Variants in RAPGEF2 observed in about 807,000 individuals in gnomAD.
RAPGEF2 encodes the protein PDZ domain containing guanine nucleotide exchange factor (GEF) 1.
RAPGEF2 carries 54 observed loss-of-function variants against 186.7 expected under a neutral mutation model. The observed-to-expected ratio is 0.29, with a 90% CI of 0.23 to 0.36. RAPGEF2 has a LOEUF of 0.36. RAPGEF2 is among the 10% of genes least tolerant of loss of function. The pLI is 1.00. For synonymous variants in RAPGEF2, 712 were observed against 705.9 expected (o/e 1.01, Z -0.14); for missense variants, 1,532 against 2,045.0 (o/e 0.75, Z 4.84).
chr4:159,112,964 G>GAT (rs1738656478), intron 1 of RAPGEF2, among the ~76,000 whole-genome samples: 1 of 152,180 alleles, frequency 6.6e-6, no homozygotes, highest in Non-Finnish European at 1.5e-5. Flanking sequence ...TGTGTCTGCT[G>GAT]ATATAATGTA....
chr4:159,146,414 T>C (rs1742973612), intron 1 of RAPGEF2, among the ~76,000 whole-genome samples: 2 of 152,020 alleles, frequency 1.3e-5, no homozygotes, highest in African/African-American at 4.8e-5. Flanking sequence ...TAGTTCCTGG[T>C]AAGTTATAAA....
At chr4:159,351,222 A>G in intron 26 of RAPGEF2, 1 of 1,512,648 alleles carries the variant, frequency 6.6e-7, no homozygotes, top group Non-Finnish European at 8.9e-7. Context: ...GAAAGAGAGG[A>G]ATCATCTCAT....
chr4:159,150,075 ATTGTTATTAGCAGTATCAATTAATT>A (rs1342965292), intron 1 of RAPGEF2, among the ~76,000 whole-genome samples: 6 of 152,124 alleles, frequency 3.9e-5, no homozygotes, highest in Non-Finnish European at 8.8e-5. Context: ...AGTAATTTAT[ATTGTTATTAGCAGTATCAATTAATT>A]TTGTTATTTG....
At position 159,354,008 on chromosome 4, in the gene RAPGEF2, A is replaced by G. The variant is rs1731588621; in HGVS notation, c.4613A>G (p.His1538Arg). The change falls in exon 28 of 30, where the codon CAC becomes CGC. Residue 1538 changes from histidine (H) to arginine (R), a missense_variant. By Grantham distance (29) the His-to-Arg change is conservative. Around this residue, in one of 4 missense-constraint regions of RAPGEF2, gnomAD observed 594 missense variants for 608.5 expected, o/e 0.98. Transcript: ENST00000691494. ...ACCAAGCCTGTCCCCATGCCTGCCC[A>G]CATAGCTGTGGCATCAAGTACTACA... The part of the protein sequence containing the change: ...EETKPVPMPA[H>R]IAVASSTTKG... 1 of 1,605,888 alleles carries G rather than the reference A, an allele frequency of 6.2e-7. No homozygotes were observed. Among genetic ancestry groups the G allele is most frequent in the Non-Finnish European group, 8.5e-7 (1 of 1,177,206 alleles).
chr4:159,191,896 A>G (rs1011213008), intron 2 of RAPGEF2, among the ~76,000 whole-genome samples: 1 of 152,276 alleles, frequency 6.6e-6, no homozygotes, highest in Admixed American at 6.5e-5. Flanking sequence ...TATGTTACAT[A>G]TTAGAGGACG....
At chr4:159,183,354 A>G (rs564370726) in intron 1 of RAPGEF2, among the ~76,000 whole-genome samples, 1 of 152,242 alleles carries the variant, frequency 6.6e-6, no homozygotes, top group African/African-American at 2.4e-5. Context: ...GTTCCAGGAC[A>G]ACTGATATGC....
At chr4:159,118,406 G>A (rs755020745) in intron 1 of RAPGEF2, among the ~76,000 whole-genome samples, 62 of 152,168 alleles carry the variant, frequency 4.1e-4, no homozygotes, top group African/African-American at 1.3e-3. Flanking sequence ...ACGGTGAGTT[G>A]TATAATTATT....
At chr4:159,278,226 G>C (rs1759192848) in intron 7 of RAPGEF2, among the ~76,000 whole-genome samples, 1 of 152,040 alleles carries the variant, frequency 6.6e-6, no homozygotes, top group Admixed American at 6.6e-5. Flanking sequence ...TCTTGTTTTT[G>C]TCAGGTTTGT....
chr4:159,297,445 C>T (rs903652380), intron 7 of RAPGEF2, among the ~76,000 whole-genome samples: 1 of 152,138 alleles, frequency 6.6e-6, no homozygotes, highest in Non-Finnish European at 1.5e-5. Context: ...CAAAACTACG[C>T]AAGTTGTTAT....
chr4:159,283,385 T>C (rs963399264), intron 7 of RAPGEF2, among the ~76,000 whole-genome samples: 2 of 152,312 alleles, frequency 1.3e-5, no homozygotes, highest in South Asian at 2.1e-4. Context: ...GTGAAAACTT[T>C]TGTTATTGGT....
Position 159,339,218 on chromosome 4 carries a change from A to C in RAPGEF2, c.2398A>C (p.Arg800=), listed in dbSNP as rs773095919. The change falls in exon 19 of 30, where the codon AGG becomes CGG. Residue 800 remains arginine (R), a synonymous_variant. Transcript: ENST00000691494. The part of the protein sequence containing the change: ...TAKEVVIQAI[R]EFAVTATPDQ... Reference sequence around the variant, plus strand: ...AAAGGAAGTGGTCATTCAGGCTATCAGGGAGTTTGCTGTTACTGCCACCCC... The same window carrying C: ...AAAGGAAGTGGTCATTCAGGCTATCCGGGAGTTTGCTGTTACTGCCACCCC... The C allele has an allele frequency of 7.4e-6, 12 of 1,614,058 alleles. No individual in the cohort carries two copies. The East Asian group carries it at 2.5e-4, about 33-fold the overall frequency.
rs1760296296 is a variant in RAPGEF2, at chr4:159,285,186, A to G, written c.544-19156A>G. Reference sequence around the variant, plus strand: ...TAGTCATATATGAAGGTATGTATATATCTAGTTTACATGAAGCTATCTAGT... The same window carrying G: ...TAGTCATATATGAAGGTATGTATATGTCTAGTTTACATGAAGCTATCTAGT... On this transcript the variant is annotated intron_variant, in intron 7 of 29. Transcript: ENST00000691494. Among the ~76,000 whole-genome samples the G allele has an allele frequency of 3.3e-5, 5 of 152,214 alleles. No homozygotes were observed. In the South Asian group the frequency reaches 1.0e-3, roughly 31 times the overall value.
rs2111368029 is a variant in RAPGEF2 at position 159,359,020 on chromosome 4, T to G, written c.*881T>G. The G allele has an allele frequency of 6.6e-6, 1 of 152,416 alleles. No homozygotes were observed. Among genetic ancestry groups the G allele is most frequent in the South Asian group, 2.1e-4 (1 of 4,830 alleles). The allele number at this position is 152,416 out of a possible 1,614,324, so 9.4% of individuals were successfully genotyped here. On this transcript the variant is annotated 3_prime_UTR_variant, in exon 30 of 30. Coordinates refer to ENST00000691494, the MANE Select transcript of RAPGEF2 (RefSeq NM_001394067.2). Reference sequence around the variant, plus strand: ...GGAACTAGGACCCTTGTGTCCTGTCTGAGCCTTATGGAGGCAGGACGGTGT... The same window carrying G: ...GGAACTAGGACCCTTGTGTCCTGTCGGAGCCTTATGGAGGCAGGACGGTGT...
intron 1 of RAPGEF2, among the ~76,000 whole-genome samples, chr4:159,125,601 A>G (rs1740203707): frequency 6.6e-6 from 1 of 152,034 alleles, no homozygotes; most frequent in Non-Finnish European, 1.5e-5. Flanking sequence ...TACTAAAAAT[A>G]CAAAAATTTA....
chr4:159,285,585 G>A (rs1292751621), intron 7 of RAPGEF2, among the ~76,000 whole-genome samples: 1 of 152,218 alleles, frequency 6.6e-6, no homozygotes, highest in Non-Finnish European at 1.5e-5. Flanking sequence ...ATAAGCAAAA[G>A]TGTAGACGTT....
chr4:159,146,504 T>G (rs1579303437), intron 1 of RAPGEF2, among the ~76,000 whole-genome samples: 1 of 152,218 alleles, frequency 6.6e-6, no homozygotes, highest in East Asian at 1.9e-4. Context: ...TGTGTCAATA[T>G]TTGTAATTAC....
In RAPGEF2 at chr4:159,339,266, G is replaced by A; in HGVS notation, c.2446G>A (p.Val816Ile). 1.2e-6 allele frequency: 2 copies of A among 1,614,106 alleles called. No individual in the cohort carries two copies. Among genetic ancestry groups the A allele is most frequent in the Non-Finnish European group, 1.7e-6 (2 of 1,179,994 alleles). ...CCCGGATCAATATTCACTATGTGAGGTCTCTGTCACACCTGAGGGAGTAAT... is the reference window on the plus strand; with the variant it reads ...CCCGGATCAATATTCACTATGTGAGATCTCTGTCACACCTGAGGGAGTAAT... ...ATPDQYSLCEVSVTPEGVIKQ... is the reference protein window; with the variant it reads ...ATPDQYSLCEISVTPEGVIKQ... The change falls in exon 19 of 30, where the codon GTC becomes ATC. Residue 816 changes from valine to isoleucine, a missense_variant. Physicochemically the swap from Val to Ile is conservative, Grantham distance 29. Around this residue, in one of 4 missense-constraint regions of RAPGEF2, gnomAD observed 810 missense variants for 1,210.5 expected, o/e 0.67. Coordinates refer to ENST00000691494, the MANE Select transcript of RAPGEF2 (RefSeq NM_001394067.2).
intron 7 of RAPGEF2, among the ~76,000 whole-genome samples, chr4:159,249,928 G>C (rs1442609088): frequency 6.6e-6 from 1 of 152,046 alleles, no homozygotes; most frequent in African/African-American, 2.4e-5. Context: ...GACTGACTGA[G>C]CATATCCATT....
chr4:159,179,131 G>T (rs1746761166), intron 1 of RAPGEF2, among the ~76,000 whole-genome samples: 1 of 152,142 alleles, frequency 6.6e-6, no homozygotes, highest in Non-Finnish European at 1.5e-5. Context: ...TCTAAAAAAT[G>T]CTGCTTCCTG....
Sources: gnomAD v4.1 joint callset for allele counts (sites outside exome capture counted in the v4.1 genomes callset) on GRCh38, gnomAD v4.1.1 for gene constraint, gnomAD v4.1.1 regional missense constraint, MANE v1.5 for transcripts, NCBI Gene and HGNC (gene_info 2026-07-23, HGNC 2026-07-21) for gene names.